Variants in ZNF69 observed in about 807,000 individuals in gnomAD.
The protein encoded by ZNF69 is ZNF3.
Under a neutral mutation model 50.9 loss-of-function variants are expected in ZNF69, and 47 were observed. The ratio of observed to expected loss-of-function variants is 0.92; its 90% CI spans 0.73 to 1.18. The LOEUF (loss-of-function observed/expected upper bound fraction) is 1.18. Among genes scored for constraint, ZNF69 ranks in the 50% most tolerant of loss-of-function variants. The pLI is 0.00. For missense variants in ZNF69, 717 were observed against 675.1 expected (o/e 1.06, Z -0.69); for synonymous variants, 216 against 223.1 (o/e 0.97, Z 0.29).
the ZNF69 span, among the ~76,000 whole-genome samples, chr19:11,969,087 G>C: frequency 6.6e-6 from 1 of 152,082 alleles, no homozygotes; most frequent in Non-Finnish European, 1.5e-5. Context: ...TTAAATTTTT[G>C]AATTACTTGG....
the ZNF69 span, chr19:11,949,979 A>C: frequency 6.2e-7 from 1 of 1,614,104 alleles, no homozygotes; most frequent in South Asian, 1.1e-5. Context: ...GAATGTAAGG[A>C]ATGCGAAAAA....
the ZNF69 span, among the ~76,000 whole-genome samples, chr19:11,944,916 C>T: frequency 6.6e-6 from 1 of 152,188 alleles, no homozygotes; most frequent in Admixed American, 6.5e-5. Context: ...ACTGTGGCTC[C>T]CAGCAGCTGT....
At chr19:11,896,601 A>C (rs1356702246) in intron 1 of ZNF69, among the ~76,000 whole-genome samples, 1 of 152,126 alleles carries the variant, frequency 6.6e-6, no homozygotes, top group East Asian at 1.9e-4. Flanking sequence ...TAAGAGCACT[A>C]ATCTCATTCA....
rs532563309 is a variant in ZNF69 at position 11,903,528 on chromosome 19, C to T, written c.64-45C>T. On this transcript the variant is annotated intron_variant, in intron 1 of 3. Coordinates refer to ENST00000429654, the MANE Select transcript of ZNF69 (RefSeq NM_001364730.1). ...GAGAATAGAGTCTAGGCCCCCAGTG[C>T]TGTCACTCTCACCCATCCTCCTCTA... The T allele has an allele frequency of 2.7e-5, 44 of 1,610,494 alleles. No homozygotes were observed. The South Asian group carries it at 4.6e-4, about 17-fold the overall frequency.
chr19:11,963,017 T>C, the ZNF69 span, among the ~76,000 whole-genome samples: 2 of 151,734 alleles, frequency 1.3e-5, no homozygotes, highest in East Asian at 3.9e-4. Flanking sequence ...TATCACCACC[T>C]GTTATGTTTT....
At chr19:11,918,430 A>G (rs1343766869), downstream of ZNF69, among the ~76,000 whole-genome samples, 1 of 152,138 alleles carries the variant, frequency 6.6e-6, no homozygotes, top group African/African-American at 2.4e-5. Flanking sequence ...TCTGTGTAGC[A>G]GTATCCAGTC....
At chr19:11,978,888 C>A in the ZNF69 span, 4 of 1,613,378 alleles carry the variant, frequency 2.5e-6, no homozygotes, top group Non-Finnish European at 3.4e-6. Context: ...TAAAGCATTC[C>A]GTAGTTACAG....
chr19:11,907,422 G>A (rs972284426), downstream of ZNF69, among the ~76,000 whole-genome samples: 2 of 152,204 alleles, frequency 1.3e-5, no homozygotes. Context: ...GGCAGCCAGA[G>A]AGAAAGGTCG....
chr19:11,947,915 G>A, the ZNF69 span, among the ~76,000 whole-genome samples: 2 of 152,182 alleles, frequency 1.3e-5, no homozygotes, highest in Non-Finnish European at 2.9e-5. Flanking sequence ...GGCGAAGGCA[G>A]GAGGATCACT....
At chr19:11,893,533 C>T (rs374670104) in intron 1 of ZNF69, among the ~76,000 whole-genome samples, 21 of 152,220 alleles carry the variant, frequency 1.4e-4, no homozygotes, top group African/African-American at 5.1e-4. Context: ...CTCCTTTTAT[C>T]TTTCCTAGAC....
the ZNF69 span, among the ~76,000 whole-genome samples, chr19:11,929,655 A>G: frequency 1.4e-5 from 2 of 147,738 alleles, no homozygotes; most frequent in Non-Finnish European, 2.9e-5. Flanking sequence ...GTTCAGTCTC[A>G]TTGCTTGTTA....
the ZNF69 span, among the ~76,000 whole-genome samples, chr19:11,919,882 G>A: frequency 2.0e-5 from 3 of 152,082 alleles, no homozygotes; most frequent in East Asian, 1.9e-4. Context: ...CTGAGTCCAT[G>A]GTATTTTGTT....
chr19:11,893,391 A>G (rs1977143486), intron 1 of ZNF69, among the ~76,000 whole-genome samples: 1 of 152,132 alleles, frequency 6.6e-6, no homozygotes, highest in African/African-American at 2.4e-5. Flanking sequence ...GCCGGATCTC[A>G]AATCCTCCAC....
intron 1 of ZNF69, among the ~76,000 whole-genome samples, chr19:11,893,997 T>A (rs279195): frequency 0.42 from 63,937 of 152,094 alleles, 17,100 homozygotes; most frequent in African/African-American, 0.76. Context: ...GTGGAGCAAT[T>A]GCCTGCAAAG....
the ZNF69 span, among the ~76,000 whole-genome samples, chr19:11,923,896 T>C: frequency 6.6e-6 from 1 of 152,002 alleles, no homozygotes; most frequent in Non-Finnish European, 1.5e-5. Context: ...AAAGAGAGTT[T>C]CCCTGGGGGC....
downstream of ZNF69, among the ~76,000 whole-genome samples, chr19:11,916,578 G>T (rs1389099131): frequency 6.6e-6 from 1 of 152,202 alleles, no homozygotes; most frequent in African/African-American, 2.4e-5. Flanking sequence ...TCATGCTACT[G>T]CACTCCAGCC....
the ZNF69 span, among the ~76,000 whole-genome samples, chr19:11,954,156 C>T: frequency 6.6e-6 from 1 of 151,982 alleles, no homozygotes; most frequent in Non-Finnish European, 1.5e-5. Context: ...AATGAAGACC[C>T]ACCCAACAAT....
chr19:11,912,906 A>C (rs1015298958), intron 4 of ZNF69, among the ~76,000 whole-genome samples: 1 of 152,234 alleles, frequency 6.6e-6, no homozygotes, highest in African/African-American at 2.4e-5. Context: ...ATAATTAAGA[A>C]GCTATAATAG....
chr19:11,978,827 A>G, the ZNF69 span: 3 of 1,614,150 alleles, frequency 1.9e-6, no homozygotes, highest in African/African-American at 4.0e-5. Context: ...CCTTTCAAAT[A>G]CATGAAAGAA....
Sources: gnomAD v4.1 joint callset for allele counts (sites outside exome capture counted in the v4.1 genomes callset) on GRCh38, gnomAD v4.1.1 for gene constraint, MANE v1.5 for transcripts, NCBI Gene and HGNC (gene_info 2026-07-23, HGNC 2026-07-21) for gene names.